Variants in HDAC4 observed in about 807,000 individuals in gnomAD.
HDAC4 encodes the protein histone deacetylase 4, also known as histone deacetylase A.
HDAC4 carries 16 observed loss-of-function variants against 135.1 expected under a neutral mutation model. The ratio of observed to expected loss-of-function variants is 0.12; its 90% CI spans 0.08 to 0.18. The LOEUF (loss-of-function observed/expected upper bound fraction) is 0.18. Among genes scored for constraint, HDAC4 ranks in the 10% least tolerant of loss-of-function variants. The pLI, the probability that HDAC4 is intolerant of heterozygous loss-of-function variation, is 1.00. For missense variants in HDAC4, 1,143 were observed against 1,511.8 expected (o/e 0.76, Z 4.05); for synonymous variants, 685 against 653.4 (o/e 1.05, Z -0.74).
At chr2:239,296,788 G>A (rs922616423) in intron 2 of HDAC4, among the ~76,000 whole-genome samples, 2 of 152,076 alleles carry the variant, frequency 1.3e-5, no homozygotes, top group African/African-American at 4.8e-5. Flanking sequence ...TTTCACCTCC[G>A]CCCGGGAGAT....
chr2:239,291,362 C>T (rs546248084), intron 2 of HDAC4, among the ~76,000 whole-genome samples: 22 of 152,328 alleles, frequency 1.4e-4, no homozygotes, highest in Admixed American at 6.5e-4. Context: ...TGAAAATAGC[C>T]GGTGTTTGTT....
At chr2:239,084,751 CACAG>C (rs913335512) in intron 19 of HDAC4, among the ~76,000 whole-genome samples, 2 of 143,484 alleles carry the variant, frequency 1.4e-5, no homozygotes, top group African/African-American at 5.2e-5. Context: ...GCCCATACAC[CACAG>C]ACACACACCC....
At chr2:239,073,630 G>A (rs929320515) in intron 22 of HDAC4, among the ~76,000 whole-genome samples, 1 of 152,228 alleles carries the variant, frequency 6.6e-6, no homozygotes, top group African/African-American at 2.4e-5. Flanking sequence ...GCATGATTCT[G>A]GTCCCAGAGT....
At chr2:239,234,863 C>T (rs1284784248) in intron 3 of HDAC4, among the ~76,000 whole-genome samples, 3 of 152,154 alleles carry the variant, frequency 2.0e-5, no homozygotes, top group Admixed American at 6.5e-5. Context: ...TGCATATTTA[C>T]CATCTTTTCC....
At chr2:239,100,526 C>A (rs78576559) in intron 16 of HDAC4, among the ~76,000 whole-genome samples, 1,900 of 152,314 alleles carry the variant, frequency 0.012, 37 homozygotes, top group East Asian at 0.088. Flanking sequence ...TGCCCCCAGC[C>A]TCCTTCCCCT....
In HDAC4 at chr2:239,214,670, C is replaced by T. The variant is rs147484155; in HGVS notation, c.94+21923G>A. 8.5e-5 allele frequency among the ~76,000 whole-genome samples: 13 copies of T among 152,332 alleles called. No individual in the cohort carries two copies. The East Asian group carries it at 2.1e-3, about 25-fold the overall frequency. ...GTGAGCAGCCGCCAGGCTCAGCACA[C>T]GTGTTGATAGCTTTAAAGAGGTATA... On this transcript the variant is annotated intron_variant, in intron 3 of 26. Coordinates refer to ENST00000543185, the MANE Select transcript of HDAC4 (RefSeq NM_001378414.1).
intron 2 of HDAC4, among the ~76,000 whole-genome samples, chr2:239,322,826 C>T (rs575901554): frequency 3.9e-5 from 6 of 152,284 alleles, no homozygotes; most frequent in African/African-American, 7.2e-5. Flanking sequence ...CGATAAGCGA[C>T]GTCACCAATG....
chr2:239,102,484 A>G (rs1186654792), intron 16 of HDAC4: 3 of 409,102 alleles, frequency 7.3e-6, no homozygotes, highest in Non-Finnish European at 1.4e-5. Context: ...CAGGGCGGGC[A>G]GCATGCTGGC....
At chr2:239,096,875 C>G (rs779230790) in intron 16 of HDAC4, among the ~76,000 whole-genome samples, 15 of 152,116 alleles carry the variant, frequency 9.9e-5, no homozygotes, top group Non-Finnish European at 1.9e-4. Flanking sequence ...TGCATCAAGG[C>G]CGGAGGCTTG....
chr2:239,358,885 T>C (rs1567974), intron 1 of HDAC4, among the ~76,000 whole-genome samples: 22,281 of 152,188 alleles, frequency 0.15, 1,985 homozygotes, highest in Non-Finnish European at 0.21. Flanking sequence ...CGATTCTCCT[T>C]GTTCTCAGCC....
chr2:239,249,659 A>ATG (rs937759283), intron 2 of HDAC4, among the ~76,000 whole-genome samples: 3 of 152,092 alleles, frequency 2.0e-5, no homozygotes, highest in African/African-American at 7.2e-5. Flanking sequence ...CTACAACAAC[A>ATG]TGTATTTCAG....
chr2:239,082,046 C>G, intron 21 of HDAC4, 56 bp downstream of exon 21: 2 of 1,599,624 alleles, frequency 1.3e-6, no homozygotes, highest in Non-Finnish European at 1.7e-6. Flanking sequence ...CGTGCCCCCA[C>G]AGCGGCTCCC....
chr2:239,388,029 G>A (rs901728077), intron 1 of HDAC4, among the ~76,000 whole-genome samples: 2 of 152,190 alleles, frequency 1.3e-5, no homozygotes, highest in African/African-American at 4.8e-5. Context: ...CGGACCACAC[G>A]TCATAACATG....
chr2:239,345,009 C>T (rs561292518), intron 2 of HDAC4, among the ~76,000 whole-genome samples: 2 of 152,238 alleles, frequency 1.3e-5, no homozygotes, highest in African/African-American at 4.8e-5. Context: ...GCCACCTTGT[C>T]CAAGCTCCCC....
chr2:239,131,136 A>G (rs1365644964), intron 11 of HDAC4, among the ~76,000 whole-genome samples: 1 of 152,274 alleles, frequency 6.6e-6, no homozygotes, highest in East Asian at 1.9e-4. Context: ...AGGCACGCCC[A>G]GCCTGTGACT....
rs149036861 is a variant in HDAC4 at position 239,364,207 on chromosome 2, T to G, written c.-219-11289A>C. On this transcript the variant is annotated intron_variant, in intron 1 of 26. Coordinates refer to ENST00000543185, the MANE Select transcript of HDAC4 (RefSeq NM_001378414.1). The stretch of plus-strand genomic sequence containing the variant: ...GCCCCAGCAATGCCAGCCCGAGGCA[T>G]CTACCCAACAGAAAGACATCTACGA... Among the ~76,000 whole-genome samples, 1,389 of 152,234 alleles carry G rather than the reference T, an allele frequency of 9.1e-3. 10 individuals carry two copies. The highest frequency in any genetic ancestry group is 0.012 in the Non-Finnish European group (788 of 68,012).
At chr2:239,363,658 A>T (rs1693995914) in intron 1 of HDAC4, among the ~76,000 whole-genome samples, 1 of 152,250 alleles carries the variant, frequency 6.6e-6, no homozygotes, top group African/African-American at 2.4e-5. Context: ...AACAAAAAAT[A>T]TCTTCAGGTG....
At position 239,372,517 on chromosome 2, in the gene HDAC4, G is replaced by A. The variant is rs546176255; in HGVS notation, c.-219-19599C>T. Among the ~76,000 whole-genome samples, 41 of 152,252 alleles carry A rather than the reference G, an allele frequency of 2.7e-4. No homozygotes were observed. The Middle Eastern group carries it at 0.014, about 51-fold the overall frequency. ...GCGCGCACACACACAGACAGGCTTCGCTTCTGTGAGTGCCCAAAGACTCGC... is the reference window on the plus strand; with the variant it reads ...GCGCGCACACACACAGACAGGCTTCACTTCTGTGAGTGCCCAAAGACTCGC... On this transcript the variant is annotated intron_variant, in intron 1 of 26. Transcript: ENST00000543185.
intron 24 of HDAC4, among the ~76,000 whole-genome samples, chr2:239,059,383 T>C (rs750418004): frequency 2.6e-5 from 4 of 152,138 alleles, no homozygotes; most frequent in Admixed American, 1.3e-4. Flanking sequence ...TCGGAAGTGC[T>C]TGAGTAAACT....
Sources: gnomAD v4.1 joint callset for allele counts (sites outside exome capture counted in the v4.1 genomes callset) on GRCh38, gnomAD v4.1.1 for gene constraint, MANE v1.5 for transcripts, NCBI Gene and HGNC (gene_info 2026-07-23, HGNC 2026-07-21) for gene names.